MALRD1: variants seen among roughly 807,000 people sequenced by gnomAD.
MALRD1 encodes the protein MAM and LDL-receptor class A domain-containing protein 1.
Under a neutral mutation model 242.1 loss-of-function variants are expected in MALRD1, and 247 were observed. The observed-to-expected ratio is 1.02, with a 90% CI of 0.92 to 1.13. The LOEUF is 1.13. Ranked by LOEUF, MALRD1 falls within the 50% of genes most tolerant of loss-of-function variation. MALRD1 has a pLI of 0.00. For missense variants in MALRD1, 2,989 were observed against 2,533.1 expected (o/e 1.18, Z -3.86); for synonymous variants, 995 against 866.6 (o/e 1.15, Z -2.60).
chr10:19,597,706 A>G (rs943059474), intron 34 of MALRD1, among the ~76,000 whole-genome samples: 3 of 152,190 alleles, frequency 2.0e-5, no homozygotes, highest in African/African-American at 7.2e-5. Context: ...ACATTAGTGA[A>G]GGAGGCTAGT....
intron 28 of MALRD1, among the ~76,000 whole-genome samples, chr10:19,433,587 T>C (rs1240955548): frequency 6.6e-6 from 1 of 152,154 alleles, no homozygotes; most frequent in Non-Finnish European, 1.5e-5. Flanking sequence ...TTTAGGACAT[T>C]GTGAAAAGTT....
chr10:19,283,558 G>A (rs754862376), intron 21 of MALRD1, among the ~76,000 whole-genome samples: 36 of 151,568 alleles, frequency 2.4e-4, no homozygotes, highest in South Asian at 1.5e-3. Flanking sequence ...CTCTTCTTCA[G>A]CCTCCCTTTT....
intron 21 of MALRD1, among the ~76,000 whole-genome samples, chr10:19,315,879 T>C (rs976654384): frequency 6.7e-6 from 1 of 148,198 alleles, no homozygotes; most frequent in Admixed American, 6.9e-5. Flanking sequence ...TAAATAGTTA[T>C]ATTATTTTAC....
chr10:19,099,046 C>T (rs1277658323), intron 4 of MALRD1, among the ~76,000 whole-genome samples: 1 of 152,158 alleles, frequency 6.6e-6, no homozygotes, highest in Admixed American at 6.5e-5. Flanking sequence ...GGTTCTCTAA[C>T]TGGCTGGTGC....
intron 36 of MALRD1, among the ~76,000 whole-genome samples, chr10:19,659,103 G>C (rs1435312505): frequency 6.6e-6 from 1 of 152,084 alleles, no homozygotes; most frequent in Non-Finnish European, 1.5e-5. Context: ...AGGACAGAGA[G>C]CTCTTCCTAT....
At chr10:19,505,315 C>T (rs1335274808) in intron 31 of MALRD1, among the ~76,000 whole-genome samples, 2 of 152,116 alleles carry the variant, frequency 1.3e-5, no homozygotes, top group Non-Finnish European at 1.5e-5. Flanking sequence ...CCTAGTGTGA[C>T]TATTTGGAGA....
chr10:19,133,600 G>T (rs139965119), intron 8 of MALRD1, among the ~76,000 whole-genome samples: 2 of 152,124 alleles, frequency 1.3e-5, no homozygotes, highest in South Asian at 2.1e-4. Flanking sequence ...TTTTTTAAAA[G>T]ATTTCATCCA....
intron 4 of MALRD1, among the ~76,000 whole-genome samples, chr10:19,101,191 C>T (rs1836237087): frequency 6.7e-6 from 1 of 149,936 alleles, no homozygotes; most frequent in Admixed American, 6.7e-5. Flanking sequence ...TCTCCAAGGT[C>T]CTGTTGCTAT....
intron 18 of MALRD1, among the ~76,000 whole-genome samples, chr10:19,243,867 G>C (rs1455675213): frequency 1.3e-5 from 2 of 152,080 alleles, no homozygotes; most frequent in African/African-American, 4.8e-5. Context: ...TGTGTTTCCA[G>C]AAGGCTTAAT....
In MALRD1 at chr10:19,204,332, A is replaced by G. The variant is rs1219550139; in HGVS notation, c.2129A>G (p.Lys710Arg). The G allele has an allele frequency of 1.5e-5, 23 of 1,548,040 alleles. No homozygotes were observed. Among genetic ancestry groups the G allele is most frequent in the Non-Finnish European group, 2.0e-5 (23 of 1,146,204 alleles). ...GGGCATTTTATGTTCATTCTGAAGA[A>G]AAGCAGCAGCTTGTGGCAAGTTGCT... Reference protein sequence around the residue: ...SQGHFMFILKKSSSLWQVAKL... With the variant: ...SQGHFMFILKRSSSLWQVAKL... Residue 710 changes from lysine (K) to arginine (R), a missense_variant, in exon 16 of 40, where the codon AAA (lysine) becomes AGA (arginine). Coordinates refer to ENST00000454679, the MANE Select transcript of MALRD1 (RefSeq NM_001142308.3).
chr10:19,654,167 T>A (rs73595886), intron 36 of MALRD1, among the ~76,000 whole-genome samples: 14,823 of 152,156 alleles, frequency 0.097, 1,820 homozygotes, highest in African/African-American at 0.28. Context: ...AGCACTGCCA[T>A]CTACCTGGCA....
chr10:19,715,879 AACTC>A lies in MALRD1; in HGVS notation c.6315-14821_6315-14818del, dbSNP rs147671421. Among the ~76,000 whole-genome samples the A allele has an allele frequency of 4.3e-4, 66 of 152,290 alleles. No individual in the cohort carries two copies. The East Asian group carries it at 0.012, about 29-fold the overall frequency. On this transcript the variant is annotated intron_variant, in intron 38 of 39. Coordinates refer to ENST00000454679, the MANE Select transcript of MALRD1 (RefSeq NM_001142308.3). ...ACCTCTCATGGATTCCTAGAGTGAG[AACTC>A]ACTCATTACTGCAAGGGCAGCACTA...
chr10:19,253,644 A>T (rs1356468870), intron 18 of MALRD1, among the ~76,000 whole-genome samples: 1 of 152,022 alleles, frequency 6.6e-6, no homozygotes, highest in African/African-American at 2.4e-5. Flanking sequence ...ACATAAGTGG[A>T]CCAAGGCAGT....
chr10:19,313,746 C>G (rs764842856), intron 21 of MALRD1, among the ~76,000 whole-genome samples: 1 of 151,392 alleles, frequency 6.6e-6, no homozygotes, highest in African/African-American at 2.4e-5. Flanking sequence ...ATTTCTTAGA[C>G]TTTTTTATTC....
chr10:19,088,215 C>A (rs924273744), intron 4 of MALRD1, 30 bp downstream of exon 4: 9 of 1,231,402 alleles, frequency 7.3e-6, no homozygotes, highest in Non-Finnish European at 9.1e-6. Flanking sequence ...TAACTATGGC[C>A]TTGAAGAAAA....
chr10:19,200,380 G>A (rs1453991799), intron 14 of MALRD1, among the ~76,000 whole-genome samples: 1 of 152,038 alleles, frequency 6.6e-6, no homozygotes, highest in Non-Finnish European at 1.5e-5. Context: ...TGCCTCTGTG[G>A]CTAATACCAG....
At chr10:19,364,506 G>A (rs1300592763) in intron 26 of MALRD1, among the ~76,000 whole-genome samples, 2 of 152,026 alleles carry the variant, frequency 1.3e-5, no homozygotes, top group African/African-American at 2.4e-5. Flanking sequence ...GAAATATAAG[G>A]CAAGTTTGAA....
chr10:19,666,642 G>A (rs1326051590), intron 36 of MALRD1, among the ~76,000 whole-genome samples: 1 of 152,086 alleles, frequency 6.6e-6, no homozygotes, highest in East Asian at 1.9e-4. Context: ...ATGTTTATTG[G>A]GAAAAACTTT....
intron 18 of MALRD1, among the ~76,000 whole-genome samples, chr10:19,239,201 G>A (rs902695078): frequency 3.3e-5 from 5 of 151,936 alleles, no homozygotes; most frequent in African/African-American, 4.8e-5. Flanking sequence ...TGGGGTTACA[G>A]GCACACGCCA....
Sources: allele counts gnomAD v4.1 joint callset (sites outside exome capture counted in the v4.1 genomes callset), GRCh38; gene constraint gnomAD v4.1.1; transcripts MANE v1.5; gene names NCBI Gene and HGNC (gene_info 2026-07-23, HGNC 2026-07-21).